The following NAALADL2 variants were observed in gnomAD, a reference collection of about 807,000 sequenced individuals.
The protein encoded by NAALADL2 is N-acetylated alpha-linked acidic dipeptidase like 2, also known as inactive N-acetylated-alpha-linked acidic dipeptidase-like protein 2.
In NAALADL2, 76 loss-of-function variants were observed where a neutral mutation model predicts 87.2. That is an observed-to-expected ratio of 0.87 (90% CI 0.72 to 1.05). The LOEUF (loss-of-function observed/expected upper bound fraction) is 1.05. NAALADL2 is among the 50% of genes least tolerant of loss of function. NAALADL2 has a pLI of 0.00. For missense variants in NAALADL2, 1,089 were observed against 945.8 expected (o/e 1.15, Z -1.99); for synonymous variants, 354 against 331.0 (o/e 1.07, Z -0.75).
rs1040558395 is a variant in NAALADL2, at chr3:175,807,323, C to T, written c.*4120C>T. 1 of 151,790 alleles carries T rather than the reference C, an allele frequency of 6.6e-6. No individual in the cohort carries two copies. The highest frequency in any genetic ancestry group is 2.4e-5 in the African/African-American group (1 of 41,378). The allele number at this position is 151,790 out of a possible 1,614,324, so 9.4% of individuals were successfully genotyped here. ...TCCCCACAGGAAAGACAGATGTTAA[C>T]AAAAATAAAATAAATGATTATTTGT... On this transcript the variant is annotated 3_prime_UTR_variant, in exon 14 of 14. Coordinates refer to ENST00000454872, the MANE Select transcript of NAALADL2 (RefSeq NM_207015.3).
At chr3:175,679,210 C>T (rs999382994) in intron 11 of NAALADL2, among the ~76,000 whole-genome samples, 6 of 149,870 alleles carry the variant, frequency 4.0e-5, no homozygotes, top group South Asian at 4.2e-4. Context: ...CTGCAGGTCA[C>T]GGGATATGAT....
At chr3:174,925,806 A>T (rs931405225) in intron 1 of NAALADL2, among the ~76,000 whole-genome samples, 6 of 152,186 alleles carry the variant, frequency 3.9e-5, no homozygotes, top group African/African-American at 1.2e-4. Flanking sequence ...TGTAAGTTGG[A>T]TTCCTAGGTA....
chr3:174,660,999 C>G (rs1483289827), intron 2 of NAALADL2, among the ~76,000 whole-genome samples: 1 of 152,140 alleles, frequency 6.6e-6, no homozygotes, highest in African/African-American at 2.4e-5. Flanking sequence ...AATGGTACAT[C>G]ATTATTGATG....
chr3:174,754,461 G>A (rs1711724960), intron 3 of NAALADL2, among the ~76,000 whole-genome samples: 1 of 143,560 alleles, frequency 7.0e-6, no homozygotes, highest in Non-Finnish European at 1.5e-5. Flanking sequence ...AAATTACAGA[G>A]CTATCTTTTT....
chr3:174,476,088 T>TG (rs1320337423), intron 1 of NAALADL2, among the ~76,000 whole-genome samples: 1 of 152,026 alleles, frequency 6.6e-6, no homozygotes, highest in African/African-American at 2.4e-5. Flanking sequence ...TGTTTCCAAA[T>TG]GTAATATCTA....
intron 3 of NAALADL2, among the ~76,000 whole-genome samples, chr3:174,852,546 G>T (rs2109483631): frequency 6.6e-6 from 1 of 152,070 alleles, no homozygotes; most frequent in South Asian, 2.1e-4. Flanking sequence ...ATAAAACATT[G>T]ATGAAAGAAA....
At chr3:175,637,064 A>G (rs1346332754) in intron 11 of NAALADL2, among the ~76,000 whole-genome samples, 1 of 152,254 alleles carries the variant, frequency 6.6e-6, no homozygotes, top group African/African-American at 2.4e-5. Flanking sequence ...CTATTTCTCC[A>G]TTTCAACATT....
chr3:175,433,146 CA>C, intron 5 of NAALADL2, among the ~76,000 whole-genome samples: 1 of 152,024 alleles, frequency 6.6e-6, no homozygotes, highest in Non-Finnish European at 1.5e-5. Flanking sequence ...CACAAATATA[CA>C]ATCAAATAGA....
At chr3:175,522,420 C>T (rs890382663) in intron 9 of NAALADL2, among the ~76,000 whole-genome samples, 2 of 152,114 alleles carry the variant, frequency 1.3e-5, no homozygotes, top group Non-Finnish European at 2.9e-5. Context: ...GGTCATGTCC[C>T]ATACCTGAAA....
intron 13 of NAALADL2, among the ~76,000 whole-genome samples, chr3:175,777,041 A>G (rs1559999211): frequency 6.6e-6 from 1 of 151,658 alleles, no homozygotes; most frequent in Non-Finnish European, 1.5e-5. Context: ...TTGAAAGGGA[A>G]CCAGTGTCAT....
intron 10 of NAALADL2, among the ~76,000 whole-genome samples, chr3:175,579,265 A>G (rs745869994): frequency 2.0e-5 from 3 of 152,142 alleles, no homozygotes; most frequent in Non-Finnish European, 4.4e-5. Context: ...TATTATATTC[A>G]ATTTCAACAA....
intron 4 of NAALADL2, among the ~76,000 whole-genome samples, chr3:175,299,554 C>T (rs1171121566): frequency 6.6e-6 from 1 of 152,008 alleles, no homozygotes; most frequent in African/African-American, 2.4e-5. Context: ...GTCTTTGTAG[C>T]AATTGTGAAT....
chr3:175,523,711 C>T (rs116698472), intron 9 of NAALADL2, among the ~76,000 whole-genome samples: 1,597 of 152,232 alleles, frequency 0.01, 22 homozygotes, highest in African/African-American at 0.035. Flanking sequence ...AGGGTTAGAC[C>T]GCACAGGCAA....
chr3:174,894,596 A>G (rs1356782614), intron 1 of NAALADL2, among the ~76,000 whole-genome samples: 1 of 18,082 alleles, frequency 5.5e-5, no homozygotes, highest in East Asian at 3.0e-3. Context: ...CTCCGTCTCA[A>G]AAAAAAAAAA....
At chr3:174,878,182 A>G (rs1185157333) in intron 1 of NAALADL2, among the ~76,000 whole-genome samples, 1 of 152,142 alleles carries the variant, frequency 6.6e-6, no homozygotes, top group Admixed American at 6.6e-5. Context: ...GAAAACAAGC[A>G]AATTTCATAA....
chr3:174,697,129 C>A (rs975372811), intron 2 of NAALADL2, among the ~76,000 whole-genome samples: 4 of 152,016 alleles, frequency 2.6e-5, no homozygotes, highest in African/African-American at 7.2e-5. Context: ...TAAAAAAATA[C>A]GCATAGAAAA....
chr3:175,326,993 C>T (rs1760791860), intron 5 of NAALADL2, among the ~76,000 whole-genome samples: 1 of 151,966 alleles, frequency 6.6e-6, no homozygotes, highest in South Asian at 2.1e-4. Context: ...GTTTTATTTA[C>T]CAATTTAAGG....
At chr3:175,268,757 T>A (rs6807893) in intron 4 of NAALADL2, among the ~76,000 whole-genome samples, 76,484 of 151,584 alleles carry the variant, frequency 0.5, 19,439 homozygotes, top group South Asian at 0.67. Flanking sequence ...ACACAGACAC[T>A]TTAGCCAAGG....
intron 1 of NAALADL2, among the ~76,000 whole-genome samples, chr3:174,928,536 T>A (rs971942326): frequency 4.6e-5 from 7 of 152,136 alleles, no homozygotes; most frequent in Non-Finnish European, 8.8e-5. Flanking sequence ...CACCGCGCAT[T>A]GCCCTTATGT....
Sources: gnomAD v4.1 joint callset for allele counts (sites outside exome capture counted in the v4.1 genomes callset) on GRCh38, gnomAD v4.1.1 for gene constraint, MANE v1.5 for transcripts, NCBI Gene and HGNC (gene_info 2026-07-23, HGNC 2026-07-21) for gene names.